The following NSL1 variants were observed in gnomAD, a reference collection of about 807,000 sequenced individuals.
The protein encoded by NSL1 is kinetochore-associated protein NSL1 homolog.
In NSL1, 11 loss-of-function variants were observed where a neutral mutation model predicts 25.4. That is an observed-to-expected ratio of 0.43 (90% CI 0.27 to 0.72). The LOEUF (loss-of-function observed/expected upper bound fraction) is 0.72, where lower values mean the gene tolerates loss of function less well. NSL1 is among the 30% of genes least tolerant of loss of function. NSL1 has a pLI of 0.19. For synonymous variants in NSL1, 118 were observed against 120.6 expected, an observed-to-expected ratio of 0.98 and a Z score of 0.14; for missense variants, 330 against 342.7, an observed-to-expected ratio of 0.96 and a Z score of 0.29.
chr1:212,759,248 AAAGT>A (rs1218535175), intron 4 of NSL1, among the ~76,000 whole-genome samples: 2 of 152,206 alleles, frequency 1.3e-5, no homozygotes, highest in Non-Finnish European at 2.9e-5. Context: ...CATCATCAAG[AAAGT>A]GAGATGGGGA....
At chr1:212,787,107 G>C (rs979603653) in intron 2 of NSL1, among the ~76,000 whole-genome samples, 5 of 149,768 alleles carry the variant, frequency 3.3e-5, no homozygotes, top group African/African-American at 1.2e-4. Context: ...AGGTTGCAGT[G>C]AACTGAGACT....
Position 212,729,240 on chromosome 1 carries a change from T to C in NSL1, c.*9168A>G. 2.0e-6 allele frequency: 2 copies of C among 985,436 alleles called. No individual in the cohort carries two copies. The highest frequency in any genetic ancestry group is 2.4e-6 in the Non-Finnish European group (2 of 829,934). The allele number at this position is 985,436 out of a possible 1,614,324, so 61.0% of individuals were successfully genotyped here. ...TTCCCTCTAGGAGCAGAAGTGCAGG[T>C]TTGCTTGGGCTCCTAGCCTCTCCCT... On this transcript the variant is annotated 3_prime_UTR_variant, in exon 6 of 6. Transcript: ENST00000366977.
intron 4 of NSL1, among the ~76,000 whole-genome samples, chr1:212,781,286 G>A (rs974770657): frequency 7.9e-5 from 12 of 152,142 alleles, no homozygotes; most frequent in African/African-American, 2.9e-4. Context: ...CGGTAACCAA[G>A]TTTCTTTAGA....
At chr1:212,745,569 T>G (rs1014444341) in intron 4 of NSL1, among the ~76,000 whole-genome samples, 1 of 152,168 alleles carries the variant, frequency 6.6e-6, no homozygotes, top group African/African-American at 2.4e-5. Context: ...ATGGTTAAAG[T>G]GCTGAAAGAC....
intron 1 of NSL1, among the ~76,000 whole-genome samples, chr1:212,791,067 G>T (rs1217704581): frequency 6.6e-6 from 1 of 152,168 alleles, no homozygotes; most frequent in Non-Finnish European, 1.5e-5. Flanking sequence ...TCCAACAGGT[G>T]AGCCACTAGC....
At chr1:212,749,841 G>A (rs1658981809) in intron 4 of NSL1, among the ~76,000 whole-genome samples, 1 of 151,274 alleles carries the variant, frequency 6.6e-6, no homozygotes, top group African/African-American at 2.4e-5. Flanking sequence ...AATGGAATTA[G>A]GTCCTAGGCT....
At chr1:212,741,101 A>C (rs1658481590) in intron 4 of NSL1, among the ~76,000 whole-genome samples, 1 of 152,218 alleles carries the variant, frequency 6.6e-6, no homozygotes, top group Admixed American at 6.5e-5. Flanking sequence ...GAGGGTCCTA[A>C]GGATCCTTGC....
At chr1:212,789,106 A>T (rs996670402) in intron 1 of NSL1, among the ~76,000 whole-genome samples, 3 of 152,246 alleles carry the variant, frequency 2.0e-5, no homozygotes, top group African/African-American at 7.2e-5. Context: ...CCTTTGTATA[A>T]TTAAAAATAA....
intron 4 of NSL1, among the ~76,000 whole-genome samples, chr1:212,781,499 T>A (rs923316181): frequency 6.6e-6 from 1 of 152,024 alleles, no homozygotes; most frequent in Non-Finnish European, 1.5e-5. Flanking sequence ...ATAAGTGATG[T>A]GATTTTAGTC....
At chr1:212,739,172 T>C (rs1000592816) in intron 5 of NSL1, among the ~76,000 whole-genome samples, 2 of 152,186 alleles carry the variant, frequency 1.3e-5, no homozygotes, top group African/African-American at 4.8e-5. Context: ...ATCTGTCTCA[T>C]AGGATGTAAG....
At chr1:212,788,589 T>C (rs1321366509) in intron 1 of NSL1, among the ~76,000 whole-genome samples, 1 of 152,196 alleles carries the variant, frequency 6.6e-6, no homozygotes, top group African/African-American at 2.4e-5. Context: ...TTTTTTTAAA[T>C]GATGGACTAA....
chr1:212,790,931 A>AAT (rs1553255513), intron 1 of NSL1, among the ~76,000 whole-genome samples: 18 of 144,888 alleles, frequency 1.2e-4, no homozygotes, highest in African/African-American at 4.4e-4. Flanking sequence ...TCAAAAAAAA[A>AAT]AAATAAAATA....
At chr1:212,738,759 T>A (rs1431972361) in intron 5 of NSL1, 73 bp from the exon 6 acceptor site, 1 of 1,264,216 alleles carries the variant, frequency 7.9e-7, no homozygotes, top group Non-Finnish European at 1.1e-6. Context: ...ATGGATGCAG[T>A]ACTCTAATTT....
At chr1:212,741,073 T>C (rs951800699) in intron 4 of NSL1, among the ~76,000 whole-genome samples, 1 of 152,208 alleles carries the variant, frequency 6.6e-6, no homozygotes, top group African/African-American at 2.4e-5. Flanking sequence ...GTATTTTTTT[T>C]CCTATACAAG....
Position 212,731,540 on chromosome 1 carries a change from T to C in NSL1, c.*6868A>G, listed in dbSNP as rs989049215. The stretch of plus-strand genomic sequence containing the variant: ...AATTTATTTTCCCTTAATTACTATA[T>C]GCATTTAATTTTAAAAATCAAATCT... On this transcript the variant is annotated 3_prime_UTR_variant, in exon 6 of 6. Coordinates refer to ENST00000366977, the MANE Select transcript of NSL1 (RefSeq NM_015471.4). The C allele has an allele frequency of 8.1e-6, 8 of 985,152 alleles. No individual in the cohort carries two copies. Among genetic ancestry groups the C allele is most frequent in the South Asian group, 4.7e-5 (1 of 21,286 alleles). The allele number at this position is 985,152 out of a possible 1,614,324, so 61.0% of individuals were successfully genotyped here.
chr1:212,775,419 A>C (rs1316750861), intron 4 of NSL1, among the ~76,000 whole-genome samples: 1 of 152,250 alleles, frequency 6.6e-6, no homozygotes, highest in Non-Finnish European at 1.5e-5. Flanking sequence ...ATCTTGATAA[A>C]GCCATTTATA....
intron 4 of NSL1, among the ~76,000 whole-genome samples, chr1:212,780,974 T>A (rs770178990): frequency 3.3e-5 from 5 of 152,150 alleles, no homozygotes; most frequent in Non-Finnish European, 7.4e-5. Context: ...ATTTTACTAA[T>A]AATGAAACTG....
At position 212,731,187 on chromosome 1, in the gene NSL1, A is replaced by G. The variant is rs769798876; in HGVS notation, c.*7221T>C. On this transcript the variant is annotated 3_prime_UTR_variant, in exon 6 of 6. Coordinates refer to ENST00000366977, the MANE Select transcript of NSL1 (RefSeq NM_015471.4). Reference sequence around the variant, plus strand: ...TGCAAAACAAATGGTCAGAGGGGAGAAAAAAAAAAAAACCTGAAGAAACCA... The same window carrying G: ...TGCAAAACAAATGGTCAGAGGGGAGGAAAAAAAAAAAACCTGAAGAAACCA... 50 of 99,426 alleles carry G rather than the reference A, an allele frequency of 5.0e-4. No homozygotes were observed. Among genetic ancestry groups the G allele is most frequent in the Admixed American group, 6.8e-4 (1 of 1,460 alleles). The allele number at this position is 99,426 out of a possible 1,614,324, so 6.2% of individuals were successfully genotyped here. A position where few individuals can be genotyped will look rare whatever the true frequency, so the allele number is the denominator to read the frequency against.
At chr1:212,781,485 C>T (rs1660729997) in intron 4 of NSL1, among the ~76,000 whole-genome samples, 1 of 152,090 alleles carries the variant, frequency 6.6e-6, no homozygotes, top group South Asian at 2.1e-4. Flanking sequence ...TAATGTCAAA[C>T]ACAATAAGTG....
Sources: allele counts gnomAD v4.1 joint callset (sites outside exome capture counted in the v4.1 genomes callset), GRCh38; gene constraint gnomAD v4.1.1; transcripts MANE v1.5; gene names NCBI Gene and HGNC (gene_info 2026-07-23, HGNC 2026-07-21).